MRTFB: variants seen among roughly 807,000 people sequenced by gnomAD.
The protein encoded by MRTFB is myocardin related transcription factor B, also known as myocardin-related transcription factor B.
MRTFB carries 29 observed loss-of-function variants against 104.2 expected under a neutral mutation model. That is an observed-to-expected ratio of 0.28 (90% CI 0.21 to 0.38). MRTFB has a LOEUF of 0.38. Among genes scored for constraint, MRTFB ranks in the 10% least tolerant of loss-of-function variants. MRTFB has a pLI of 1.00. For missense variants in MRTFB, 1,270 were observed against 1,341.6 expected (o/e 0.95, Z 0.83); for synonymous variants, 535 against 519.5 (o/e 1.03, Z -0.41).
chr16:14,058,885 A>AT, the MRTFB span, among the ~76,000 whole-genome samples: 1 of 151,042 alleles, frequency 6.6e-6, no homozygotes, highest in Non-Finnish European at 1.5e-5. Flanking sequence ...CGCCCAGCTA[A>AT]TTTTTTCTAT....
At chr16:14,069,473 C>T (rs1478430466), upstream of MRTFB, among the ~76,000 whole-genome samples, 1 of 152,192 alleles carries the variant, frequency 6.6e-6, no homozygotes, top group Admixed American at 6.5e-5. Context: ...TACATCCCCT[C>T]TTATGAATCT....
the MRTFB span, among the ~76,000 whole-genome samples, chr16:14,055,353 A>AAAG: frequency 2.6e-4 from 39 of 152,190 alleles, 1 homozygote; most frequent in South Asian, 5.8e-3. Flanking sequence ...CTCCGTCTCA[A>AAAG]AAGAAGAAGA....
intron 3 of MRTFB, among the ~76,000 whole-genome samples, chr16:14,168,049 A>G (rs891625478): frequency 6.6e-6 from 1 of 152,186 alleles, no homozygotes; most frequent in Non-Finnish European, 1.5e-5. Flanking sequence ...AGTTTTCTGC[A>G]TATGGCTAGC....
chr16:14,246,675 A>G lies in MRTFB; in HGVS notation c.1415A>G (p.Asn472Ser). 1 of 1,614,170 alleles carries G rather than the reference A, an allele frequency of 6.2e-7. No homozygotes were observed. The highest frequency in any genetic ancestry group is 8.5e-7 in the Non-Finnish European group (1 of 1,180,026). ...TVALPVTTLH[N>S]TVTSSVSTLK... Reference sequence around the variant, plus strand: ...GCCTTGCCGGTTACAACACTACACAACACTGTGACTAGCTCAGTCTCTACT... The same window carrying G: ...GCCTTGCCGGTTACAACACTACACAGCACTGTGACTAGCTCAGTCTCTACT... Residue 472 changes from asparagine (N) to serine (S), a missense_variant, in exon 12 of 17, where the codon AAC becomes AGC. By Grantham distance (46) the Asn-to-Ser change is conservative. This residue lies in a region of MRTFB where 1,144 missense variants were observed against 1,131.5 expected (regional missense o/e 1.01). Coordinates refer to ENST00000571589, the MANE Select transcript of MRTFB (RefSeq NM_001308142.2).
the MRTFB span, among the ~76,000 whole-genome samples, chr16:14,053,606 C>CT: frequency 6.6e-6 from 1 of 151,864 alleles, no homozygotes; most frequent in Non-Finnish European, 1.5e-5. Context: ...TGGCGGGCAC[C>CT]TGTAATCCCA....
At chr16:14,069,062 C>T (rs1047632842), upstream of MRTFB, among the ~76,000 whole-genome samples, 1 of 150,152 alleles carries the variant, frequency 6.7e-6, no homozygotes, top group African/African-American at 2.5e-5. Flanking sequence ...CTCCTCTTCC[C>T]AGGTTCAAGC....
intron 1 of MRTFB, among the ~76,000 whole-genome samples, chr16:14,078,845 A>G (rs1458047978): frequency 1.3e-5 from 2 of 152,170 alleles, no homozygotes; most frequent in Non-Finnish European, 2.9e-5. Flanking sequence ...CACATATTTC[A>G]GGAACTACTT....
intron 2 of MRTFB, among the ~76,000 whole-genome samples, chr16:14,095,957 A>G (rs1334796782): frequency 6.6e-6 from 1 of 152,222 alleles, no homozygotes; most frequent in Non-Finnish European, 1.5e-5. Context: ...AACATGTGAC[A>G]GGGAATCATG....
the MRTFB span, among the ~76,000 whole-genome samples, chr16:14,007,848 G>T: frequency 6.6e-6 from 1 of 152,206 alleles, no homozygotes; most frequent in Non-Finnish European, 1.5e-5. Flanking sequence ...ATCTTTTCAA[G>T]TGTTTATCGG....
chr16:14,186,933 AAGC>A lies in MRTFB; in HGVS notation c.155-23305_155-23303del, dbSNP rs758345644. 12 of 1,598,108 alleles carry A rather than the reference AAGC, an allele frequency of 7.5e-6. No individual in the cohort carries two copies. In the Admixed American group the frequency reaches 1.7e-4, roughly 22 times the overall value. On this transcript the variant is annotated intron_variant, in intron 3 of 16. Coordinates refer to ENST00000571589, the MANE Select transcript of MRTFB (RefSeq NM_001308142.2). Reference sequence around the variant, plus strand: ...TCTCACCATGATCGATAGCTCCAAGAAGCAGCAACAGGGCTTCCCAGAGATTTT... The same window carrying A: ...TCTCACCATGATCGATAGCTCCAAGAAGCAACAGGGCTTCCCAGAGATTTT...
chr16:14,158,985 A>C (rs1237404949), intron 3 of MRTFB, among the ~76,000 whole-genome samples: 4 of 151,782 alleles, frequency 2.6e-5, no homozygotes, highest in African/African-American at 7.3e-5. Context: ...AAAAAAAAAA[A>C]AAAAAAAAAC....
chr16:14,137,013 G>A (rs1054373163), intron 2 of MRTFB, among the ~76,000 whole-genome samples: 1 of 152,148 alleles, frequency 6.6e-6, no homozygotes, highest in Non-Finnish European at 1.5e-5. Flanking sequence ...TCCAGTGAAA[G>A]CTAAGTGATT....
chr16:14,225,760 C>G (rs2041975169), intron 8 of MRTFB, among the ~76,000 whole-genome samples: 1 of 152,154 alleles, frequency 6.6e-6, no homozygotes, highest in Non-Finnish European at 1.5e-5. Flanking sequence ...AACTCCTGAG[C>G]TTAGAGAGTC....
intron 2 of MRTFB, chr16:14,092,881 A>G (rs1184273131): frequency 6.6e-6 from 1 of 152,220 alleles, no homozygotes; most frequent in Non-Finnish European, 1.5e-5. Flanking sequence ...TTCACCTTAA[A>G]AGTAAGAATT....
At chr16:14,155,955 C>T (rs2038810772) in intron 3 of MRTFB, among the ~76,000 whole-genome samples, 1 of 152,162 alleles carries the variant, frequency 6.6e-6, no homozygotes, top group South Asian at 2.1e-4. Flanking sequence ...ACTTCAGCTG[C>T]CTTAGCCTGC....
chr16:14,024,581 G>T, the MRTFB span, among the ~76,000 whole-genome samples: 1 of 152,110 alleles, frequency 6.6e-6, no homozygotes, highest in Non-Finnish European at 1.5e-5. Context: ...AATTGCATTG[G>T]CAATTAGACC....
At chr16:14,049,933 A>G in the MRTFB span, among the ~76,000 whole-genome samples, 1 of 152,144 alleles carries the variant, frequency 6.6e-6, no homozygotes, top group Non-Finnish European at 1.5e-5. Flanking sequence ...GGGTTTCACC[A>G]TATTGGCCAG....
At chr16:14,102,563 G>GAGTAAATTCAACTCACCCACCACGT (rs1555483667) in intron 2 of MRTFB, among the ~76,000 whole-genome samples, 6 of 152,156 alleles carry the variant, frequency 3.9e-5, no homozygotes, top group African/African-American at 1.4e-4. Context: ...GTGTTTTCTA[G>GAGTAAATTCAACTCACCCACCACGT]AGTAAATTCA....
rs138776925 is a variant in MRTFB at position 14,204,710 on chromosome 16, A to G, written c.155-5533A>G. On this transcript the variant is annotated intron_variant, in intron 3 of 16. Coordinates refer to ENST00000571589, the MANE Select transcript of MRTFB (RefSeq NM_001308142.2). ...TAGCCCTAAGAGATGAAAGATCATA[A>G]TTCAATAAATTTTTTTCTTTAAATG... Among the ~76,000 whole-genome samples the G allele has an allele frequency of 2.9e-3, 448 of 152,312 alleles. 3 individuals are homozygous for G. The highest frequency in any genetic ancestry group is 0.01 in the African/African-American group (433 of 41,584).
Sources: allele counts gnomAD v4.1 joint callset (sites outside exome capture counted in the v4.1 genomes callset), GRCh38; gene constraint gnomAD v4.1.1; regional missense constraint gnomAD v4.1.1; transcripts MANE v1.5; gene names NCBI Gene and HGNC (gene_info 2026-07-23, HGNC 2026-07-21).